The following NCOA5 variants were observed in gnomAD, a reference collection of about 807,000 sequenced individuals.
NCOA5 encodes NCoA-5.
NCOA5 carries 12 observed loss-of-function variants against 59.0 expected under a neutral mutation model. The ratio of observed to expected loss-of-function variants is 0.20; its 90% CI spans 0.13 to 0.33. NCOA5 has a LOEUF of 0.33. Ranked by LOEUF, NCOA5 falls within the 10% of genes least tolerant of loss-of-function variation. The pLI, the probability that NCOA5 is intolerant of heterozygous loss-of-function variation, is 1.00. For synonymous variants in NCOA5, 270 were observed against 275.5 expected, an observed-to-expected ratio of 0.98 and a Z score of 0.20; for missense variants, 655 against 766.6, an observed-to-expected ratio of 0.85 and a Z score of 1.72.
At chr20:46,086,359 C>CT (rs1179466056) in intron 1 of NCOA5, among the ~76,000 whole-genome samples, 4 of 152,098 alleles carry the variant, frequency 2.6e-5, no homozygotes, top group African/African-American at 9.7e-5. Context: ...CCTATTATCT[C>CT]TTTTTTTAAG....
At chr20:46,063,823 G>T in intron 6 of NCOA5, 143 bp from the exon 7 acceptor site, 1 of 844,116 alleles carries the variant, frequency 1.2e-6, no homozygotes, top group Non-Finnish European at 1.8e-6. Context: ...AGAGTGGGGT[G>T]GTGTGGGGGG....
intron 2 of NCOA5, among the ~76,000 whole-genome samples, chr20:46,070,979 C>T (rs1305912096): frequency 6.6e-6 from 1 of 152,040 alleles, no homozygotes; most frequent in Non-Finnish European, 1.5e-5. Flanking sequence ...CTTGAAGTAT[C>T]TTGGCAGGAT....
intron 4 of NCOA5, among the ~76,000 whole-genome samples, chr20:46,067,662 A>C (rs2145527508): frequency 6.6e-6 from 1 of 152,184 alleles, no homozygotes; most frequent in African/African-American, 2.4e-5. Context: ...GTTTAAAATT[A>C]AAAAATTAAA....
In NCOA5 at chr20:46,086,439, TAA is replaced by T. The variant is rs536683175; in HGVS notation, c.-30+3376_-30+3377del. On this transcript the variant is annotated intron_variant, in intron 1 of 7. Coordinates refer to ENST00000290231, the MANE Select transcript of NCOA5 (RefSeq NM_020967.3). ...ATCTGGTGGTAACAAAACCACCATT[TAA>T]AAAGCAGCATGCATGCTGGTATTAT... Among the ~76,000 whole-genome samples the T allele has an allele frequency of 2.2e-3, 342 of 152,306 alleles. 3 individuals carry two copies. Among genetic ancestry groups the T allele is most frequent in the African/African-American group, 7.8e-3 (324 of 41,564 alleles).
intron 2 of NCOA5, among the ~76,000 whole-genome samples, chr20:46,072,982 T>C (rs2084900845): frequency 6.6e-6 from 1 of 152,198 alleles, no homozygotes; most frequent in African/African-American, 2.4e-5. Context: ...CTTGCTCCAG[T>C]ACAAACTTCT....
In NCOA5 at chr20:46,080,365, C is replaced by T. The variant is rs112005179; in HGVS notation, c.-29-912G>A. ...GACTTAAAGCTAAATAAATACATTA[C>T]AAATTTCATACTTCAGATGAATGAA... On this transcript the variant is annotated intron_variant, in intron 1 of 7. Transcript: ENST00000290231. Among the ~76,000 whole-genome samples, 1,350 of 152,282 alleles carry T rather than the reference C, an allele frequency of 8.9e-3. 10 individuals carry two copies. The highest frequency in any genetic ancestry group is 0.014 in the Non-Finnish European group (929 of 67,992).
chr20:46,080,575 C>T (rs908636594), intron 1 of NCOA5, among the ~76,000 whole-genome samples: 1 of 152,014 alleles, frequency 6.6e-6, no homozygotes, highest in African/African-American at 2.4e-5. Context: ...ACAGCAATAA[C>T]AAGAAACTTA....
At chr20:46,063,205 A>T in intron 7 of NCOA5, 155 bp downstream of exon 7, 2 of 688,472 alleles carry the variant, frequency 2.9e-6, no homozygotes, top group Non-Finnish European at 4.8e-6. Context: ...TATTAACATT[A>T]TATCAGCATG....
At chr20:46,086,537 C>A (rs1225536978) in intron 1 of NCOA5, among the ~76,000 whole-genome samples, 1 of 152,140 alleles carries the variant, frequency 6.6e-6, no homozygotes, top group Non-Finnish European at 1.5e-5. Flanking sequence ...TTACCCTGAT[C>A]CTGTCATTAA....
intron 2 of NCOA5, among the ~76,000 whole-genome samples, chr20:46,076,725 C>A (rs956540739): frequency 1.1e-4 from 17 of 152,058 alleles, no homozygotes; most frequent in African/African-American, 3.9e-4. Flanking sequence ...AGGGAAATAT[C>A]ACCAAGGGGA....
chr20:46,068,660 C>T (rs767376940), intron 3 of NCOA5, 22 bp from the exon 4 acceptor site: 1 of 1,601,254 alleles, frequency 6.2e-7, no homozygotes, highest in Admixed American at 1.8e-5. Context: ...AGGAAATTTT[C>T]ATAAAGATAA....
intron 2 of NCOA5, among the ~76,000 whole-genome samples, chr20:46,071,484 T>C (rs1374768576): frequency 6.6e-6 from 1 of 152,234 alleles, no homozygotes; most frequent in Non-Finnish European, 1.5e-5. Context: ...AGCCCTTATT[T>C]CTATTCTGAC....
At chr20:46,064,515 C>T (rs953236395) in intron 6 of NCOA5, among the ~76,000 whole-genome samples, 1 of 152,222 alleles carries the variant, frequency 6.6e-6, no homozygotes, top group Non-Finnish European at 1.5e-5. Context: ...CTCCAGCACA[C>T]TTACAAAAAG....
intron 2 of NCOA5, among the ~76,000 whole-genome samples, chr20:46,077,198 C>T (rs532533017): frequency 6.6e-6 from 1 of 152,312 alleles, no homozygotes; most frequent in Admixed American, 6.5e-5. Flanking sequence ...GTGTGGGCCA[C>T]TGTGCCTGGC....
At chr20:46,071,263 CTCT>C (rs1246169999) in intron 2 of NCOA5, among the ~76,000 whole-genome samples, 4 of 152,112 alleles carry the variant, frequency 2.6e-5, no homozygotes, top group Admixed American at 6.5e-5. Flanking sequence ...CTGGAAACTC[CTCT>C]TCAACATATT....
intron 1 of NCOA5, among the ~76,000 whole-genome samples, chr20:46,086,652 A>G (rs568832145): frequency 6.6e-6 from 1 of 152,210 alleles, no homozygotes; most frequent in African/African-American, 2.4e-5. Flanking sequence ...CTAAACAAAT[A>G]TATGTGCTAT....
rs896887404 is a variant in NCOA5, at chr20:46,088,964, G to T, written c.-30+853C>A. On this transcript the variant is annotated intron_variant, in intron 1 of 7. Coordinates refer to ENST00000290231, the MANE Select transcript of NCOA5 (RefSeq NM_020967.3). ...GCTTTCCAGTACCCGGTTTGTGATT[G>T]AAGTTGCCGCCTTAAATATATTTAA... Among the ~76,000 whole-genome samples, 3 of 152,320 alleles carry T rather than the reference G, an allele frequency of 2.0e-5. No homozygotes were observed. In the South Asian group the frequency reaches 6.2e-4, roughly 32 times the overall value.
At position 46,062,837 on chromosome 20, in the gene NCOA5, T is replaced by C; in HGVS notation, c.1203A>G (p.Thr401=). 6.5e-7 allele frequency: 1 copy of C among 1,532,560 alleles called. No homozygotes were observed. The highest frequency in any genetic ancestry group is 8.8e-7 in the Non-Finnish European group (1 of 1,139,974). The allele number at this position is 1,532,560 out of a possible 1,614,324, so 94.9% of individuals were successfully genotyped here. A position where few individuals can be genotyped will look rare whatever the true frequency, so the allele number is the denominator to read the frequency against. The change falls in exon 8 of 8, where the codon ACA becomes ACG. Residue 401 remains threonine, a synonymous_variant. Transcript: ENST00000290231. Reference sequence around the variant, plus strand: ...TCTGGAGCGGTTGGGAGCTTGGCTGTGTCTTCAGCGAGGCACCCGAGGTCG... The same window carrying C: ...TCTGGAGCGGTTGGGAGCTTGGCTGCGTCTTCAGCGAGGCACCCGAGGTCG... ...LGATSGASLK[T]QPSSQPLQSG...
intron 1 of NCOA5, 46 bp downstream of exon 1, chr20:46,089,771 G>C (rs1009113946): frequency 1.3e-5 from 2 of 152,062 alleles, no homozygotes; most frequent in Non-Finnish European, 2.9e-5. Context: ...CGGCCTGCCC[G>C]TCAGCCCCAC....
Sources: allele counts gnomAD v4.1 joint callset (sites outside exome capture counted in the v4.1 genomes callset), GRCh38; gene constraint gnomAD v4.1.1; transcripts MANE v1.5; gene names NCBI Gene and HGNC (gene_info 2026-07-23, HGNC 2026-07-21).